Variants in PCDHGB7 observed in about 807,000 individuals in gnomAD.
The protein encoded by PCDHGB7 is protocadherin gamma subfamily B, 7.
PCDHGB7 carries 37 observed loss-of-function variants against 61.4 expected under a neutral mutation model. The ratio of observed to expected loss-of-function variants is 0.60; its 90% confidence interval spans 0.46 to 0.79. The LOEUF (loss-of-function observed/expected upper bound fraction) is 0.79. Ranked by LOEUF, PCDHGB7 falls within the 30% of genes least tolerant of loss-of-function variation. The probability of loss-of-function intolerance (pLI) is 0.00; values close to 1 mark genes in which losing one functional copy is unlikely to be tolerated. For missense variants in PCDHGB7, 1,166 were observed against 1,202.5 expected (o/e 0.97, Z 0.45); for synonymous variants, 464 against 503.5 (o/e 0.92, Z 1.05).
At chr5:141,509,669 G>GAGAA (rs2099877764) in intron 3 of PCDHGB7, among the ~76,000 whole-genome samples, 1 of 152,180 alleles carries the variant, frequency 6.6e-6, no homozygotes, top group African/African-American at 2.4e-5. Flanking sequence ...CTGGGCCCCA[G>GAGAA]TTTCTTCTTC....
chr5:141,504,949 G>A (rs1234166109), intron 2 of PCDHGB7, among the ~76,000 whole-genome samples: 5 of 152,098 alleles, frequency 3.3e-5, no homozygotes, highest in Non-Finnish European at 1.5e-5. Context: ...AATGCACTAT[G>A]TTCAATGCAT....
rs568417008 is a variant in PCDHGB7 at position 141,419,413 on chromosome 5, C to T, written c.1554C>T (p.Arg518=). The part of the protein sequence containing the change: ...SAQSGVVFAQ[R]AFDHEQLRTF... ...AGAGCGGGGTGGTGTTCGCGCAGCG[C>T]GCCTTCGACCACGAGCAGCTGCGCA... Residue 518 remains arginine, a synonymous_variant, in exon 1 of 4, where the codon CGC becomes CGT. Transcript: ENST00000398594. 2.5e-6 allele frequency: 4 copies of T among 1,613,444 alleles called. No individual in the cohort carries two copies. The highest frequency in any genetic ancestry group is 1.3e-5 in the African/African-American group (1 of 75,078).
intron 2 of PCDHGB7, among the ~76,000 whole-genome samples, chr5:141,500,812 T>C: frequency 6.6e-6 from 1 of 152,322 alleles, no homozygotes; most frequent in South Asian, 2.1e-4. Flanking sequence ...CATATGAATA[T>C]ACATATTATT....
Position 141,419,769 on chromosome 5 carries a change from CGGT to C in PCDHGB7, c.1911_1913del (p.Val638del). ...GTGCGTGCTTTGGGTGACAAGGACTCGGTCCGCCAGCGCCTGCTAGTCGCTGTA... is the reference window on the plus strand; with the variant it reads ...GTGCGTGCTTTGGGTGACAAGGACTCCCGCCAGCGCCTGCTAGTCGCTGTA... On this transcript the variant is annotated inframe_deletion, in exon 1 of 4. Coordinates refer to ENST00000398594, the MANE Select transcript of PCDHGB7 (RefSeq NM_018927.4). 1 of 1,614,006 alleles carries C rather than the reference CGGT, an allele frequency of 6.2e-7. No individual in the cohort carries two copies. Among genetic ancestry groups the C allele is most frequent in the Non-Finnish European group, 8.5e-7 (1 of 1,179,898 alleles).
At chr5:141,460,368 G>A (rs1005554535) in intron 1 of PCDHGB7, among the ~76,000 whole-genome samples, 1 of 152,050 alleles carries the variant, frequency 6.6e-6, no homozygotes. Context: ...AAGTTTTATA[G>A]TTTTACCATT....
At chr5:141,422,959 C>G in intron 1 of PCDHGB7, 1 of 1,614,234 alleles carries the variant, frequency 6.2e-7, no homozygotes, top group Non-Finnish European at 8.5e-7. Flanking sequence ...TGGCGTGGAG[C>G]TGGCGCCCCG....
chr5:141,491,810 G>T lies in PCDHGB7; in HGVS notation c.2416-2997G>T. 1 of 1,486,878 alleles carries T rather than the reference G, an allele frequency of 6.7e-7. No individual in the cohort carries two copies. The allele number at this position is 1,486,878 out of a possible 1,614,324, so 92.1% of individuals were successfully genotyped here. A position where few individuals can be genotyped will look rare whatever the true frequency, so the allele number is the denominator to read the frequency against. ...CCACTCCTCTCCGGCCGGCTTGGTC[G>T]CTGGCTGCGCTCCACCCGATTCTCG... On this transcript the variant is annotated intron_variant, in intron 1 of 3. Coordinates refer to ENST00000398594, the MANE Select transcript of PCDHGB7 (RefSeq NM_018927.4). This position sits in a 1 kb window ranked among gnomAD's most constrained non-coding sequence, Gnocchi z 6.9.
rs372018713 is a variant in PCDHGB7, at chr5:141,418,097, C to G, written c.238C>G (p.Gln80Glu). Reference protein sequence around the residue: ...AEKLHFSVDAQSGDLLVKDRI... With the variant: ...AEKLHFSVDAESGDLLVKDRI... ...GAAGCTGCACTTCAGCGTAGACGCG[C>G]AGAGCGGGGACTTACTTGTGAAGGA... The change falls in exon 1 of 4, where the codon CAG becomes GAG. Residue 80 changes from glutamine to glutamate, a missense_variant. By Grantham distance (29) the Gln-to-Glu change is conservative. Coordinates refer to ENST00000398594, the MANE Select transcript of PCDHGB7 (RefSeq NM_018927.4). The G allele has an allele frequency of 5.7e-4, 921 of 1,613,980 alleles. 9 individuals are homozygous for G. The South Asian group carries it at 6.8e-3, about 12-fold the overall frequency.
intron 1 of PCDHGB7, chr5:141,479,290 T>C (rs1045200175): frequency 1.3e-5 from 2 of 152,438 alleles, no homozygotes; most frequent in Non-Finnish European, 2.9e-5. Flanking sequence ...AAAATAAATC[T>C]AGGCAACCCA....
chr5:141,460,582 G>A (rs1246329967), intron 1 of PCDHGB7, among the ~76,000 whole-genome samples: 2 of 152,022 alleles, frequency 1.3e-5, no homozygotes, highest in South Asian at 4.1e-4. Context: ...GTAGGTGTGG[G>A]TTTTTTCTGG....
At position 141,511,148 on chromosome 5, in the gene PCDHGB7, A is replaced by C; in HGVS notation, c.2765A>C (p.Lys922Thr). Residue 922 changes from lysine to threonine, a missense_variant, in exon 4 of 4, where the codon AAG (lysine) becomes ACG (threonine). Coordinates refer to ENST00000398594, the MANE Select transcript of PCDHGB7 (RefSeq NM_018927.4). ...APAGGNGNKKKSGKKEKK is the reference protein window; with the variant it reads ...APAGGNGNKKTSGKKEKK ...GCAGGTGGCAATGGCAACAAGAAGA[A>C]GTCGGGCAAGAAGGAGAAGAAGTAA... is the stretch of plus-strand genomic sequence containing the variant. The C allele has an allele frequency of 6.2e-7, 1 of 1,614,202 alleles. No individual in the cohort carries two copies. Among genetic ancestry groups the C allele is most frequent in the East Asian group, 2.2e-5 (1 of 44,882 alleles).
At chr5:141,473,002 GAA>G (rs2099311273) in intron 1 of PCDHGB7, among the ~76,000 whole-genome samples, 1 of 143,872 alleles carries the variant, frequency 7.0e-6, no homozygotes, top group East Asian at 2.0e-4. Flanking sequence ...AAAAAAGAAA[GAA>G]AAAGAAAAAG....
chr5:141,430,725 G>A (rs1436128094), intron 1 of PCDHGB7: 4 of 1,497,276 alleles, frequency 2.7e-6, no homozygotes, highest in Admixed American at 2.4e-5. Flanking sequence ...AGTGGTTAAG[G>A]GCAGAATTGA....
At chr5:141,510,353 C>T (rs74759939) in intron 3 of PCDHGB7, among the ~76,000 whole-genome samples, 2 of 146,504 alleles carry the variant, frequency 1.4e-5, no homozygotes, top group African/African-American at 5.0e-5. Context: ...CACTTACTAA[C>T]GGAACTACCG....
At chr5:141,488,525 G>A (rs1040463796) in intron 1 of PCDHGB7, among the ~76,000 whole-genome samples, 1 of 152,182 alleles carries the variant, frequency 6.6e-6, no homozygotes, top group African/African-American at 2.4e-5. Flanking sequence ...TGGGGTGTCA[G>A]AAAAGCTAAG....
At position 141,489,662 on chromosome 5, in the gene PCDHGB7, G is replaced by A. The variant is rs2233601; in HGVS notation, c.2416-5145G>A. On this transcript the variant is annotated intron_variant, in intron 1 of 3. Coordinates refer to ENST00000398594, the MANE Select transcript of PCDHGB7 (RefSeq NM_018927.4). This position sits in a 1 kb window ranked among gnomAD's most constrained non-coding sequence, Gnocchi z 4.5. ...TTTGCCACCCCTGAGCGAGAGATGC[G>A]CATCTCAGAATCAGCAGCATCTGGG... The A allele has an allele frequency of 4.0e-4, 649 of 1,614,144 alleles. 2 individuals are homozygous for A. The highest frequency in any genetic ancestry group is 1.5e-3 in the Middle Eastern group (9 of 6,062).
intron 1 of PCDHGB7, among the ~76,000 whole-genome samples, chr5:141,463,302 A>T (rs2099056422): frequency 6.6e-6 from 1 of 151,090 alleles, no homozygotes; most frequent in Non-Finnish European, 1.5e-5. Context: ...ATCTCCCCAA[A>T]CTCTAATATC....
intron 1 of PCDHGB7, among the ~76,000 whole-genome samples, chr5:141,437,490 A>C (rs549866784): frequency 6.6e-6 from 1 of 152,190 alleles, no homozygotes; most frequent in African/African-American, 2.4e-5. Flanking sequence ...AATCTCGTAG[A>C]TCACTTTTCA....
intron 1 of PCDHGB7, chr5:141,478,112 G>A (rs2099430344): frequency 1.2e-6 from 2 of 1,613,968 alleles, no homozygotes; most frequent in South Asian, 2.2e-5. Flanking sequence ...CACTGTGTCA[G>A]TAACCGAGGA....
Sources: allele counts gnomAD v4.1 joint callset (sites outside exome capture counted in the v4.1 genomes callset), GRCh38; gene constraint gnomAD v4.1.1; non-coding constraint Gnocchi (gnomAD v3.1); transcripts MANE v1.5; gene names NCBI Gene and HGNC (gene_info 2026-07-23, HGNC 2026-07-21).